DLC1: variants seen among roughly 807,000 people sequenced by gnomAD.
DLC1 encodes rho GTPase-activating protein 7.
A neutral mutation model predicts 140.3 loss-of-function variants in DLC1; 54 were observed. That is an observed-to-expected ratio of 0.38 (90% CI 0.31 to 0.48). The LOEUF is 0.48. Among genes scored for constraint, DLC1 ranks in the 20% least tolerant of loss-of-function variants. The probability of loss-of-function intolerance (pLI) is 0.96; values close to 1 mark genes in which losing one functional copy is unlikely to be tolerated. For missense variants in DLC1, 2,536 were observed against 1,907.0 expected (o/e 1.33, Z -6.14); for synonymous variants, 986 against 728.1 (o/e 1.35, Z -5.70).
intron 9 of DLC1, 85 bp downstream of exon 9, chr8:13,099,262 C>T (rs1818773240): frequency 6.6e-7 from 1 of 1,517,962 alleles, no homozygotes; most frequent in South Asian, 1.3e-5. Context: ...CAGACTTAAT[C>T]CCATTTCTTC....
chr8:13,227,911 A>G (rs1424496624), intron 5 of DLC1, among the ~76,000 whole-genome samples: 1 of 152,178 alleles, frequency 6.6e-6, no homozygotes, highest in Non-Finnish European at 1.5e-5. Flanking sequence ...ATATTTTGAC[A>G]TTTATATAGA....
chr8:13,098,287 G>T, intron 10 of DLC1, 112 bp downstream of exon 10: 1 of 1,322,838 alleles, frequency 7.6e-7, no homozygotes, highest in Non-Finnish European at 1.0e-6. Flanking sequence ...GATGACAGAT[G>T]AAATATATTA....
chr8:13,384,778 T>C (rs1836439168), intron 4 of DLC1, among the ~76,000 whole-genome samples: 1 of 152,174 alleles, frequency 6.6e-6, no homozygotes, highest in African/African-American at 2.4e-5. Context: ...TGTTTCTTAT[T>C]GTCTGTCCAG....
rs1802524327 is a variant in DLC1 at position 13,514,624 on chromosome 8, G to A, written c.-148C>T. 14 of 398,504 alleles carry A rather than the reference G, an allele frequency of 3.5e-5. No homozygotes were observed. The East Asian group carries it at 4.3e-4, about 12-fold the overall frequency. 24.7% of individuals were successfully genotyped at this position (398,504 alleles called of 1,614,324 possible). ...TACCTAGACAACGAGGAGCTGAAAC[G>A]CCAAGGCATGACACTGCTCAACACT... On this transcript the variant is annotated 5_prime_UTR_variant, in exon 1 of 18. Transcript: ENST00000276297.
chr8:13,255,517 G>T (rs530696484), intron 5 of DLC1, among the ~76,000 whole-genome samples: 16 of 152,200 alleles, frequency 1.1e-4, no homozygotes, highest in Admixed American at 4.6e-4. Context: ...ATGAATGAAT[G>T]AAATGAATGG....
intron 5 of DLC1, among the ~76,000 whole-genome samples, chr8:13,131,048 G>A (rs1483107821): frequency 6.6e-6 from 1 of 152,178 alleles, no homozygotes; most frequent in Admixed American, 6.5e-5. Flanking sequence ...TAACTTTTGT[G>A]CACACATCTG....
intron 1 of DLC1, among the ~76,000 whole-genome samples, chr8:13,554,155 C>A (rs1253936729): frequency 6.6e-6 from 1 of 152,098 alleles, no homozygotes; most frequent in East Asian, 1.9e-4. Context: ...CAACCTCTGC[C>A]TCCTGAGTTC....
chr8:13,324,384 C>T (rs13259832), intron 4 of DLC1, among the ~76,000 whole-genome samples: 129,179 of 151,570 alleles, frequency 0.85, 55,499 homozygotes, highest in East Asian at 0.95. Flanking sequence ...CTGGTTAATA[C>T]GGTGAAACCC....
chr8:13,124,690 G>C (rs936627547), intron 5 of DLC1, among the ~76,000 whole-genome samples: 2 of 152,168 alleles, frequency 1.3e-5, no homozygotes, highest in Non-Finnish European at 1.5e-5. Flanking sequence ...TGGCCCTGTT[G>C]CTTCATCTAT....
intron 1 of DLC1, chr8:13,558,736 A>T (rs772176372): frequency 6.6e-6 from 1 of 152,200 alleles, no homozygotes; most frequent in Non-Finnish European, 1.5e-5. Context: ...TACACAGTGT[A>T]ATTAATTTTG....
chr8:13,458,554 T>G (rs1265338773), intron 2 of DLC1, among the ~76,000 whole-genome samples: 1 of 152,236 alleles, frequency 6.6e-6, no homozygotes, highest in Non-Finnish European at 1.5e-5. Flanking sequence ...AATAATACTT[T>G]GCTCTCTGTT....
intron 2 of DLC1, among the ~76,000 whole-genome samples, chr8:13,423,457 G>A (rs72603956): frequency 0.073 from 11,083 of 151,990 alleles, 548 homozygotes; most frequent in East Asian, 0.14. Context: ...ATCTTTGCTA[G>A]GATGGTATAG....
In DLC1 at chr8:13,261,442, T is replaced by G. The variant is rs561367479; in HGVS notation, c.1348+43827A>C. ...CTTGGCCATAGAAGGGATTTTATTG[T>G]GTGAGGGAAAGATATTGGAGGGTTT... is the stretch of plus-strand genomic sequence containing the variant. On this transcript the variant is annotated intron_variant, in intron 5 of 17. Coordinates refer to ENST00000276297, the MANE Select transcript of DLC1 (RefSeq NM_182643.3). 8.5e-5 allele frequency among the ~76,000 whole-genome samples: 13 copies of G among 152,138 alleles called. No homozygotes were observed. The South Asian group carries it at 2.5e-3, about 29-fold the overall frequency.
intron 5 of DLC1, among the ~76,000 whole-genome samples, chr8:13,283,528 T>A (rs1486571660): frequency 2.0e-5 from 3 of 152,208 alleles, no homozygotes; most frequent in Non-Finnish European, 2.9e-5. Context: ...TCTTTCTTTC[T>A]TTTTTGAGAC....
intron 1 of DLC1, among the ~76,000 whole-genome samples, chr8:13,570,398 A>C: frequency 7.2e-6 from 1 of 139,682 alleles, no homozygotes; most frequent in African/African-American, 2.7e-5. Context: ...GCACCCACTA[A>C]CTCGTCATCT....
intron 5 of DLC1, among the ~76,000 whole-genome samples, chr8:13,236,533 T>C (rs1005027632): frequency 6.6e-6 from 1 of 152,144 alleles, no homozygotes; most frequent in African/African-American, 2.4e-5. Context: ...CAATAATTAG[T>C]GTAGTGAACA....
chr8:13,579,361 A>ATATATATATT (rs1236395843), intron 1 of DLC1, among the ~76,000 whole-genome samples: 1 of 25,490 alleles, frequency 3.9e-5, no homozygotes, highest in African/African-American at 2.2e-4. Context: ...ATATATATAT[A>ATATATATATT]TTTTTATATA....
chr8:13,447,262 A>G (rs935725659), intron 2 of DLC1, among the ~76,000 whole-genome samples: 1 of 152,214 alleles, frequency 6.6e-6, no homozygotes, highest in Non-Finnish European at 1.5e-5. Flanking sequence ...ATTAAAATAT[A>G]TGCTGATTTT....
chr8:13,531,713 G>T (rs1242346504), intron 1 of DLC1, among the ~76,000 whole-genome samples: 1 of 152,184 alleles, frequency 6.6e-6, no homozygotes, highest in African/African-American at 2.4e-5. Context: ...CTGGGGGAAA[G>T]TCAATTAAGA....
Sources: allele counts gnomAD v4.1 joint callset (sites outside exome capture counted in the v4.1 genomes callset), GRCh38; gene constraint gnomAD v4.1.1; transcripts MANE v1.5; gene names NCBI Gene and HGNC (gene_info 2026-07-23, HGNC 2026-07-21).